The following RASA3 variants were observed in gnomAD, a reference collection of about 807,000 sequenced individuals.
RASA3 encodes RAS p21 protein activator 3.
A neutral mutation model predicts 110.0 loss-of-function variants in RASA3; 73 were observed. The observed-to-expected ratio is 0.66, with a 90% confidence interval of 0.55 to 0.81. The LOEUF (loss-of-function observed/expected upper bound fraction) is 0.81, where lower values mean the gene tolerates loss of function less well. RASA3 is among the 30% of genes least tolerant of loss of function. RASA3 has a pLI of 0.00. For missense variants in RASA3, 976 were observed against 1,113.2 expected (o/e 0.88, Z 1.75); for synonymous variants, 500 against 451.4 (o/e 1.11, Z -1.37).
Position 114,027,947 on chromosome 13 carries a change from C to A in RASA3, c.450-20G>T. The A allele has an allele frequency of 6.9e-6, 11 of 1,602,940 alleles. No homozygotes were observed. The highest frequency in any genetic ancestry group is 8.5e-6 in the Non-Finnish European group (10 of 1,170,980). On this transcript the variant is annotated intron_variant, in intron 5 of 23. Transcript: ENST00000334062. ...ACGATGCTGAGGAGAGAAGCAGAGG[C>A]GGCGTCAGGAGGGAGCGCAGACACC...
At chr13:114,000,297 C>T (rs1001641605) in intron 19 of RASA3, among the ~76,000 whole-genome samples, 1 of 152,044 alleles carries the variant, frequency 6.6e-6, no homozygotes, top group African/African-American at 2.4e-5. Context: ...AAGCCTGGGA[C>T]CCACCTGGCC....
At chr13:114,035,385 G>A (rs957444656) in intron 4 of RASA3, among the ~76,000 whole-genome samples, 3 of 152,230 alleles carry the variant, frequency 2.0e-5, no homozygotes, top group Admixed American at 6.5e-5. Context: ...GGGCCCCAGC[G>A]TCCAGCTCCT....
Position 114,041,025 on chromosome 13 carries a change from T to A in RASA3, c.347A>T (p.His116Leu), listed in dbSNP as rs1173446180. 3.1e-6 allele frequency: 5 copies of A among 1,613,824 alleles called. No individual in the cohort carries two copies. Among genetic ancestry groups the A allele is most frequent in the Non-Finnish European group, 4.2e-6 (5 of 1,180,022 alleles). The stretch of plus-strand genomic sequence containing the variant: ...CTGCACTTCCGAGTCAGCGTCCACG[T>A]GCTGCAGCTGGAACCAGGTGTCCCT... ...HNRDTWFQLQ[H>L]VDADSEVQGK... Residue 116 changes from histidine to leucine, a missense_variant, in exon 4 of 24, where the codon CAC becomes CTC. Coordinates refer to ENST00000334062, the MANE Select transcript of RASA3 (RefSeq NM_007368.4).
intron 17 of RASA3, 31 bp downstream of exon 17, chr13:114,009,356 A>G: frequency 1.3e-6 from 2 of 1,552,878 alleles, no homozygotes; most frequent in South Asian, 2.2e-5. Context: ...AGCACGGCAC[A>G]CGGGCGGTCG....
intron 19 of RASA3, among the ~76,000 whole-genome samples, chr13:113,999,954 CTGG>C (rs1412833275): frequency 1.9e-3 from 29 of 15,100 alleles, no homozygotes; most frequent in African/African-American, 9.0e-3. Context: ...GGGGTCTCTG[CTGG>C]GGGGGGGTCT....
intron 4 of RASA3, chr13:114,036,285 C>G (rs938709369): frequency 6.6e-6 from 1 of 152,276 alleles, no homozygotes; most frequent in Admixed American, 6.5e-5. Flanking sequence ...GACTTTCCAA[C>G]AGTGGCCGTT....
chr13:114,112,004 C>T lies in RASA3; in HGVS notation c.55+20431G>A, dbSNP rs1216303387. Among the ~76,000 whole-genome samples the T allele has an allele frequency of 2.6e-5, 4 of 152,000 alleles. No individual in the cohort carries two copies. Among genetic ancestry groups the T allele is most frequent in the African/African-American group, 7.2e-5 (3 of 41,388 alleles). Reference sequence around the variant, plus strand: ...GAACAGGCGAGGGTGGGAGCTGTAGCGGAAGAGACAAAAGCAAAAGGCAGA... The same window carrying T: ...GAACAGGCGAGGGTGGGAGCTGTAGTGGAAGAGACAAAAGCAAAAGGCAGA... On this transcript the variant is annotated intron_variant, in intron 1 of 23. Coordinates refer to ENST00000334062, the MANE Select transcript of RASA3 (RefSeq NM_007368.4). This position sits in a 1 kb window ranked among gnomAD's most constrained non-coding sequence, Gnocchi z 4.8.
rs2139279585 is a variant in RASA3 at position 114,014,955 on chromosome 13, C to T, written c.1405+254G>A. 6.6e-6 allele frequency among the ~76,000 whole-genome samples: 1 copy of T among 151,884 alleles called. No homozygotes were observed. Among genetic ancestry groups the T allele is most frequent in the African/African-American group, 2.4e-5 (1 of 41,426 alleles). On this transcript the variant is annotated intron_variant, in intron 14 of 23. Coordinates refer to ENST00000334062, the MANE Select transcript of RASA3 (RefSeq NM_007368.4). This position sits in a 1 kb window ranked among gnomAD's most constrained non-coding sequence, Gnocchi z 4.5. ...CTAGAGACCACTGCGGTGGTGATCT[C>T]CAGGGCTGGGGTCCCCTGGAGACTA...
intron 2 of RASA3, among the ~76,000 whole-genome samples, chr13:114,053,059 C>A (rs1178343074): frequency 6.9e-6 from 1 of 145,336 alleles, no homozygotes; most frequent in African/African-American, 2.6e-5. Flanking sequence ...GAAGAGACCC[C>A]CACTGCTGAC....
intron 1 of RASA3, among the ~76,000 whole-genome samples, chr13:114,120,632 A>G (rs1043526712): frequency 2.0e-5 from 3 of 152,174 alleles, no homozygotes; most frequent in African/African-American, 7.2e-5. Context: ...CCAGGCATCA[A>G]TGCCGTTCAA....
At chr13:114,028,045 C>G (rs764547184) in intron 5 of RASA3, 118 bp from the exon 6 acceptor site, 12 of 816,992 alleles carry the variant, frequency 1.5e-5, no homozygotes, top group African/African-American at 6.9e-5. Context: ...GTTTCCTCAC[C>G]GGAAGGCAGG....
chr13:113,994,083 ATT>A (rs1344186959), intron 21 of RASA3, among the ~76,000 whole-genome samples: 1 of 152,202 alleles, frequency 6.6e-6, no homozygotes, highest in African/African-American at 2.4e-5. Context: ...AAATCATAAA[ATT>A]TCTGAAACGT....
chr13:114,130,033 G>A (rs904275552), intron 1 of RASA3, among the ~76,000 whole-genome samples: 2 of 152,186 alleles, frequency 1.3e-5, no homozygotes, highest in African/African-American at 4.8e-5. Flanking sequence ...TGGCACCAGC[G>A]CCGCTCAGGG....
chr13:114,102,903 C>T (rs910320588), intron 1 of RASA3, among the ~76,000 whole-genome samples: 1 of 151,638 alleles, frequency 6.6e-6, no homozygotes, highest in Non-Finnish European at 1.5e-5. Flanking sequence ...CACCCACCCA[C>T]CCACAAGGCA....
chr13:114,105,759 C>T (rs919618385), intron 1 of RASA3, among the ~76,000 whole-genome samples: 3 of 152,232 alleles, frequency 2.0e-5, no homozygotes, highest in African/African-American at 4.8e-5. Context: ...CTGACCATGA[C>T]GGCATATTTA....
At chr13:114,081,898 C>G (rs2079793593) in intron 1 of RASA3, among the ~76,000 whole-genome samples, 1 of 152,210 alleles carries the variant, frequency 6.6e-6, no homozygotes, top group Non-Finnish European at 1.5e-5. Flanking sequence ...CAGGCTGCAT[C>G]TCCTGGGGCT....
intron 4 of RASA3, among the ~76,000 whole-genome samples, chr13:114,034,484 G>A (rs1489290107): frequency 6.6e-6 from 1 of 152,202 alleles, no homozygotes; most frequent in East Asian, 1.9e-4. Context: ...CTCCTGGCCG[G>A]GTCCAGGGGC....
chr13:114,093,679 A>C (rs1423468754), intron 1 of RASA3, among the ~76,000 whole-genome samples: 1 of 152,032 alleles, frequency 6.6e-6, no homozygotes, highest in African/African-American at 2.4e-5. Context: ...TTTAACTCTG[A>C]TAGCTTGAAT....
chr13:114,069,233 C>G (rs1566547517), intron 2 of RASA3, among the ~76,000 whole-genome samples: 1 of 152,040 alleles, frequency 6.6e-6, no homozygotes, highest in African/African-American at 2.4e-5. Context: ...GCAAATCAAA[C>G]TTGACCCAAG....
Sources: gnomAD v4.1 joint callset for allele counts (sites outside exome capture counted in the v4.1 genomes callset) on GRCh38, gnomAD v4.1.1 for gene constraint, Gnocchi (gnomAD v3.1) non-coding constraint, MANE v1.5 for transcripts, NCBI Gene and HGNC (gene_info 2026-07-23, HGNC 2026-07-21) for gene names.